NXPE3: variants seen among roughly 807,000 people sequenced by gnomAD.
The protein encoded by NXPE3 is NXPE family member 3.
Under a neutral mutation model 46.1 loss-of-function variants are expected in NXPE3, and 26 were observed. The observed-to-expected ratio is 0.56, with a 90% CI of 0.41 to 0.78. NXPE3 has a LOEUF of 0.78. Ranked by LOEUF, NXPE3 falls within the 30% of genes least tolerant of loss-of-function variation. The probability of loss-of-function intolerance (pLI) is 0.00; values close to 1 mark genes in which losing one functional copy is unlikely to be tolerated. For missense variants in NXPE3, 620 were observed against 686.0 expected, an observed-to-expected ratio of 0.90 and a Z score of 1.07; for synonymous variants, 272 against 257.9, an observed-to-expected ratio of 1.05 and a Z score of -0.52.
At chr3:101,810,770 T>TA (rs1409756565) in intron 6 of NXPE3, among the ~76,000 whole-genome samples, 1 of 152,178 alleles carries the variant, frequency 6.6e-6, no homozygotes, top group Non-Finnish European at 1.5e-5. Flanking sequence ...AACTCAGTCT[T>TA]ACAACCACAA....
Position 101,821,398 on chromosome 3 carries a change from T to C in NXPE3, c.1130-6T>C. Reference sequence around the variant, plus strand: ...TTTTTATGAACTTGAGTTTTCCTTGTTTCAGATTTAGTGGAGTTTAACTTG... The same window carrying C: ...TTTTTATGAACTTGAGTTTTCCTTGCTTCAGATTTAGTGGAGTTTAACTTG... On this transcript the variant is annotated splice_region_variant and splice_polypyrimidine_tract_variant and intron_variant, in intron 7 of 7. Coordinates refer to ENST00000273347, the MANE Select transcript of NXPE3 (RefSeq NM_145037.4). The C allele has an allele frequency of 6.2e-7, 1 of 1,606,160 alleles. No homozygotes were observed. The highest frequency in any genetic ancestry group is 1.1e-5 in the South Asian group (1 of 90,976).
intron 3 of NXPE3, among the ~76,000 whole-genome samples, chr3:101,785,120 A>G: frequency 1.3e-5 from 2 of 152,200 alleles, no homozygotes; most frequent in Non-Finnish European, 2.9e-5. Flanking sequence ...TTATTTCACA[A>G]TTTCTGAGTT....
chr3:101,811,903 T>C (rs1325472814), intron 6 of NXPE3, among the ~76,000 whole-genome samples: 1 of 151,932 alleles, frequency 6.6e-6, no homozygotes, highest in Non-Finnish European at 1.5e-5. Flanking sequence ...CCTGGCTAAT[T>C]TTTGTATTTT....
intron 4 of NXPE3, among the ~76,000 whole-genome samples, chr3:101,795,219 A>G (rs1026626380): frequency 2.6e-5 from 4 of 152,210 alleles, no homozygotes; most frequent in Non-Finnish European, 5.9e-5. Context: ...CTCAATTGTA[A>G]TGAAAAATAT....
intron 6 of NXPE3, among the ~76,000 whole-genome samples, chr3:101,810,367 G>C (rs1941651239): frequency 6.6e-6 from 1 of 152,160 alleles, no homozygotes; most frequent in African/African-American, 2.4e-5. Context: ...GAACAATGAA[G>C]TTTTACATTT....
chr3:101,811,100 C>T (rs749716123), intron 6 of NXPE3, among the ~76,000 whole-genome samples: 8 of 152,164 alleles, frequency 5.3e-5, no homozygotes, highest in South Asian at 2.1e-4. Context: ...GGATTACATG[C>T]GTGAGCCACG....
chr3:101,806,912 T>C, intron 5 of NXPE3, 141 bp from the exon 6 acceptor site: 1 of 659,526 alleles, frequency 1.5e-6, no homozygotes. Context: ...TTTATTATTT[T>C]GTGTTGGTTA....
intron 4 of NXPE3, among the ~76,000 whole-genome samples, chr3:101,795,926 G>C (rs1940806400): frequency 6.6e-6 from 1 of 152,168 alleles, no homozygotes; most frequent in Admixed American, 6.5e-5. Context: ...TGGCGTTTTT[G>C]CTTTCTTGTA....
In NXPE3 at chr3:101,780,539, C is replaced by T. The variant is rs1302490553; in HGVS notation, c.-498+1215C>T. 5.9e-5 allele frequency among the ~76,000 whole-genome samples: 9 copies of T among 152,252 alleles called. No individual in the cohort carries two copies. In the East Asian group the frequency reaches 1.2e-3, roughly 20 times the overall value. On this transcript the variant is annotated intron_variant, in intron 1 of 7. Transcript: ENST00000273347. ...CTATACTAGTGGTTCTCCCACTTGG[C>T]TGTATGTTGTAATCATCTAGGGACC...
chr3:101,825,634 A>G lies in NXPE3; in HGVS notation c.*3680A>G, dbSNP rs1371495830. 1 of 152,198 alleles carries G rather than the reference A, an allele frequency of 6.6e-6. No individual in the cohort carries two copies. The highest frequency in any genetic ancestry group is 6.5e-5 in the Admixed American group (1 of 15,274). 9.4% of individuals were successfully genotyped at this position (152,198 alleles called of 1,614,324 possible). ...TAATTTGGGTCTGTGTTTTTTACAT[A>G]TAAATATTTTTCTATGTTAAATAGT... On this transcript the variant is annotated 3_prime_UTR_variant, in exon 8 of 8. Transcript: ENST00000273347.
intron 7 of NXPE3, among the ~76,000 whole-genome samples, chr3:101,818,740 TATATA>T (rs1942091824): frequency 3.0e-5 from 1 of 33,500 alleles, no homozygotes; most frequent in African/African-American, 1.1e-4. Context: ...TATATATATA[TATATA>T]TATATATATT....
In NXPE3 at chr3:101,822,134, CT is replaced by C; in HGVS notation, c.*181del. ...AAATGCAGGTTACATTTATATCTAC[CT>C]ATAGGATTTTATCCAATGTTGACTT... On this transcript the variant is annotated 3_prime_UTR_variant, in exon 8 of 8. Coordinates refer to ENST00000273347, the MANE Select transcript of NXPE3 (RefSeq NM_145037.4). The C allele has an allele frequency of 1.7e-6, 1 of 591,856 alleles. No homozygotes were observed. Among genetic ancestry groups the C allele is most frequent in the African/African-American group, 1.9e-5 (1 of 54,028 alleles). The allele number at this position is 591,856 out of a possible 1,614,324, so 36.7% of individuals were successfully genotyped here.
At chr3:101,791,558 G>T (rs1057145165) in intron 4 of NXPE3, among the ~76,000 whole-genome samples, 1 of 152,044 alleles carries the variant, frequency 6.6e-6, no homozygotes, top group African/African-American at 2.4e-5. Flanking sequence ...GCTAATTTTT[G>T]TATTTTTAGT....
At chr3:101,807,745 T>G (rs1048971860) in intron 6 of NXPE3, among the ~76,000 whole-genome samples, 2 of 152,096 alleles carry the variant, frequency 1.3e-5, no homozygotes, top group Non-Finnish European at 2.9e-5. Context: ...TGATTCAAAT[T>G]TAAATCAATT....
chr3:101,786,768 A>AT (rs1416411742), intron 4 of NXPE3, among the ~76,000 whole-genome samples: 2 of 152,098 alleles, frequency 1.3e-5, no homozygotes, highest in Non-Finnish European at 2.9e-5. Flanking sequence ...TTTTTAAAGT[A>AT]TTTTTTGTGG....
chr3:101,826,251 T>G lies in NXPE3; in HGVS notation c.*4297T>G, dbSNP rs1310090947. Reference sequence around the variant, plus strand: ...AAATGAGTCTGTTTCTGGACCCTGTTCAAGGAAATAGTGATGACTGAGAGA... The same window carrying G: ...AAATGAGTCTGTTTCTGGACCCTGTGCAAGGAAATAGTGATGACTGAGAGA... On this transcript the variant is annotated 3_prime_UTR_variant, in exon 8 of 8. Coordinates refer to ENST00000273347, the MANE Select transcript of NXPE3 (RefSeq NM_145037.4). 6.6e-6 allele frequency: 1 copy of G among 152,166 alleles called. No homozygotes were observed. Among genetic ancestry groups the G allele is most frequent in the African/African-American group, 2.4e-5 (1 of 41,430 alleles). The allele number at this position is 152,166 out of a possible 1,614,324, so 9.4% of individuals were successfully genotyped here. A position where few individuals can be genotyped will look rare whatever the true frequency, so the allele number is the denominator to read the frequency against.
At chr3:101,797,425 T>A (rs1229768813) in intron 4 of NXPE3, among the ~76,000 whole-genome samples, 3 of 83,220 alleles carry the variant, frequency 3.6e-5, no homozygotes, top group Non-Finnish European at 8.8e-5. Context: ...TTTTTTTTAA[T>A]TTTTTTTTTT....
Position 101,801,218 on chromosome 3 carries a change from T to G in NXPE3, c.94-17T>G. 1 of 1,585,054 alleles carries G rather than the reference T, an allele frequency of 6.3e-7. No individual in the cohort carries two copies. Among genetic ancestry groups the G allele is most frequent in the Non-Finnish European group, 8.6e-7 (1 of 1,165,620 alleles). ...TATTATAGTGGTAATTTCTGTTGTT[T>G]GTGTCTTCTTCTTCAGTACTTGGAC... On this transcript the variant is annotated splice_polypyrimidine_tract_variant and intron_variant, in intron 4 of 7. Coordinates refer to ENST00000273347, the MANE Select transcript of NXPE3 (RefSeq NM_145037.4).
intron 4 of NXPE3, among the ~76,000 whole-genome samples, chr3:101,789,993 A>C (rs997783827): frequency 6.6e-6 from 1 of 152,158 alleles, no homozygotes; most frequent in Non-Finnish European, 1.5e-5. Flanking sequence ...ATCCAGCCCC[A>C]TATATTATTT....
Sources: gnomAD v4.1 joint callset for allele counts (sites outside exome capture counted in the v4.1 genomes callset) on GRCh38, gnomAD v4.1.1 for gene constraint, MANE v1.5 for transcripts, NCBI Gene and HGNC (gene_info 2026-07-23, HGNC 2026-07-21) for gene names.